Variants in MLLT3 observed in about 807,000 individuals in gnomAD.
The protein encoded by MLLT3 is protein AF-9.
In MLLT3, 4 loss-of-function variants were observed where a neutral mutation model predicts 53.2. The ratio of observed to expected loss-of-function variants is 0.08; its 90% confidence interval spans 0.04 to 0.17. The LOEUF (loss-of-function observed/expected upper bound fraction) is 0.17. Among genes scored for constraint, MLLT3 ranks in the 10% least tolerant of loss-of-function variants. The pLI is 1.00. For synonymous variants in MLLT3, 283 were observed against 230.6 expected (o/e 1.23, Z -2.06); for missense variants, 569 against 684.0 (o/e 0.83, Z 1.87).
chr9:20,363,452 C>T (rs1297270284), intron 7 of MLLT3, 24 bp downstream of exon 7: 2 of 1,612,646 alleles, frequency 1.2e-6, no homozygotes, highest in South Asian at 1.1e-5. Flanking sequence ...TCACAGGCAA[C>T]CCCTTTCCTT....
At chr9:20,567,180 C>CAA (rs35890145) in intron 2 of MLLT3, among the ~76,000 whole-genome samples, 1,299 of 121,442 alleles carry the variant, frequency 0.011, 18 homozygotes, top group African/African-American at 0.032. Flanking sequence ...CACTCAAAGT[C>CAA]AAAAAAAAAA....
chr9:20,480,175 G>A (rs1180111441), intron 2 of MLLT3, among the ~76,000 whole-genome samples: 1 of 152,162 alleles, frequency 6.6e-6, no homozygotes, highest in East Asian at 1.9e-4. Context: ...CAAAATAAAA[G>A]TAAAACATGA....
intron 2 of MLLT3, among the ~76,000 whole-genome samples, chr9:20,519,483 A>T (rs1446563247): frequency 6.6e-6 from 1 of 152,220 alleles, no homozygotes; most frequent in Non-Finnish European, 1.5e-5. Context: ...AGCCATATAT[A>T]GGCTTTTTTG....
intron 8 of MLLT3, among the ~76,000 whole-genome samples, chr9:20,358,499 C>T (rs1026105779): frequency 6.6e-6 from 1 of 152,188 alleles, no homozygotes; most frequent in Non-Finnish European, 1.5e-5. Flanking sequence ...TTACCCTCTC[C>T]AGATAGACGA....
rs1385005864 is a variant in MLLT3, at chr9:20,586,337, ATATGGATGGG to A, written c.193+34307_193+34316del. 6.6e-5 allele frequency among the ~76,000 whole-genome samples: 10 copies of A among 151,840 alleles called. No homozygotes were observed. In the East Asian group the frequency reaches 1.6e-3, roughly 24 times the overall value. ...CCCATCTCAGAGAAAAAAAAAAGTA[ATATGGATGGG>A]TATGGATGGGTACTGACATAATCAG... On this transcript the variant is annotated intron_variant, in intron 2 of 10. Coordinates refer to ENST00000380338, the MANE Select transcript of MLLT3 (RefSeq NM_004529.4).
chr9:20,360,676 A>G lies in MLLT3; in HGVS notation c.1431+66T>C, dbSNP rs1182418769. 5.2e-6 allele frequency: 7 copies of G among 1,335,480 alleles called. No individual in the cohort carries two copies. The Admixed American group carries it at 8.5e-5, about 16-fold the overall frequency. The allele number at this position is 1,335,480 out of a possible 1,614,324, so 82.7% of individuals were successfully genotyped here. A position where few individuals can be genotyped will look rare whatever the true frequency, so the allele number is the denominator to read the frequency against. Reference sequence around the variant, plus strand: ...TAAAATTCAGGGATGAAAGTTTTGCATGCTTTGTAAAAATGATTACACCTA... The same window carrying G: ...TAAAATTCAGGGATGAAAGTTTTGCGTGCTTTGTAAAAATGATTACACCTA... On this transcript the variant is annotated intron_variant, in intron 8 of 10. Coordinates refer to ENST00000380338, the MANE Select transcript of MLLT3 (RefSeq NM_004529.4).
At chr9:20,358,736 G>A (rs1435720041) in intron 8 of MLLT3, among the ~76,000 whole-genome samples, 1 of 151,746 alleles carries the variant, frequency 6.6e-6, no homozygotes, top group African/African-American at 2.4e-5. Context: ...TGAGTGAGGG[G>A]CACAAAAGCA....
chr9:20,395,462 G>C (rs544792854), intron 5 of MLLT3, among the ~76,000 whole-genome samples: 3 of 152,226 alleles, frequency 2.0e-5, no homozygotes, highest in African/African-American at 7.2e-5. Context: ...TCTGATGCCA[G>C]ATGTAAAGTG....
At chr9:20,521,458 ATGTGTGTGTG>A (rs34711683) in intron 2 of MLLT3, among the ~76,000 whole-genome samples, 4 of 148,534 alleles carry the variant, frequency 2.7e-5, no homozygotes, top group African/African-American at 7.4e-5. Flanking sequence ...GTGTGTGTAT[ATGTGTGTGTG>A]TGTGTGTGTG....
In MLLT3 at chr9:20,515,007, C is replaced by T. The variant is rs1429666048; in HGVS notation, c.194-58221G>A. 3.8e-5 allele frequency among the ~76,000 whole-genome samples: 5 copies of T among 131,234 alleles called. No homozygotes were observed. In the South Asian group the frequency reaches 7.2e-4, roughly 19 times the overall value. 86.1% of individuals were successfully genotyped at this position (131,234 alleles called of 152,430 possible). A position where few individuals can be genotyped will look rare whatever the true frequency, so the allele number is the denominator to read the frequency against. On this transcript the variant is annotated intron_variant, in intron 2 of 10. Coordinates refer to ENST00000380338, the MANE Select transcript of MLLT3 (RefSeq NM_004529.4). ...TGTTGCCCGGGCTGGAGTGCAGTGG[C>T]GTTATCTCGGCTCACCGCAACCTCT...
intron 2 of MLLT3, among the ~76,000 whole-genome samples, chr9:20,585,609 G>C (rs1338125984): frequency 6.6e-6 from 1 of 152,146 alleles, no homozygotes; most frequent in Non-Finnish European, 1.5e-5. Flanking sequence ...CCATTCTAAT[G>C]GTATGTAGTG....
At chr9:20,532,908 G>T in intron 2 of MLLT3, 1 of 257,110 alleles carries the variant, frequency 3.9e-6, no homozygotes, top group South Asian at 4.8e-5. Context: ...GGCCTGGGCT[G>T]AGAAGAAAGC....
chr9:20,612,310 G>C (rs1820722487), intron 2 of MLLT3, among the ~76,000 whole-genome samples: 1 of 152,112 alleles, frequency 6.6e-6, no homozygotes, highest in African/African-American at 2.4e-5. Context: ...GCTCTAAAAA[G>C]ACACAGCACA....
intron 4 of MLLT3, among the ~76,000 whole-genome samples, chr9:20,438,078 C>T (rs1823449812): frequency 6.6e-6 from 1 of 152,062 alleles, no homozygotes; most frequent in Non-Finnish European, 1.5e-5. Context: ...GCTAAAAGCA[C>T]AAAGCAGAGT....
chr9:20,355,914 G>A (rs1273145108), intron 8 of MLLT3, among the ~76,000 whole-genome samples: 4 of 152,106 alleles, frequency 2.6e-5, no homozygotes, highest in East Asian at 1.9e-4. Context: ...ACCACATTCC[G>A]TAACATAAAG....
At chr9:20,509,690 G>A (rs1587007689) in intron 2 of MLLT3, among the ~76,000 whole-genome samples, 1 of 152,140 alleles carries the variant, frequency 6.6e-6, no homozygotes, top group Non-Finnish European at 1.5e-5. Flanking sequence ...AACGTACATG[G>A]CACTGCATCT....
intron 4 of MLLT3, among the ~76,000 whole-genome samples, chr9:20,417,425 T>C (rs575221996): frequency 8.0e-5 from 12 of 149,650 alleles, no homozygotes; most frequent in African/African-American, 2.7e-4. Flanking sequence ...ATGGGGGTCT[T>C]GTCACTGGCT....
rs141836396 is a variant in MLLT3 at position 20,442,657 on chromosome 9, T to C, written c.420+5466A>G. 9.2e-5 allele frequency among the ~76,000 whole-genome samples: 14 copies of C among 152,256 alleles called. No homozygotes were observed. The East Asian group carries it at 2.5e-3, about 27-fold the overall frequency. On this transcript the variant is annotated intron_variant, in intron 4 of 10. Transcript: ENST00000380338. ...TTCAGATGGCTTGACACAGCTGCAT[T>C]ACTGAAAGCTCCTTATCCTAAGATC...
At chr9:20,490,821 C>T (rs1563784226) in intron 2 of MLLT3, among the ~76,000 whole-genome samples, 1 of 152,146 alleles carries the variant, frequency 6.6e-6, no homozygotes, top group Non-Finnish European at 1.5e-5. Context: ...CTCCATTTTA[C>T]ACATGAGGAA....
Sources: gnomAD v4.1 joint callset for allele counts (sites outside exome capture counted in the v4.1 genomes callset) on GRCh38, gnomAD v4.1.1 for gene constraint, MANE v1.5 for transcripts, NCBI Gene and HGNC (gene_info 2026-07-23, HGNC 2026-07-21) for gene names.